MTTP: variants seen among roughly 807,000 people sequenced by gnomAD.
MTTP encodes the protein microsomal triglyceride transfer protein large subunit.
A neutral mutation model predicts 90.6 loss-of-function variants in MTTP; 49 were observed. The ratio of observed to expected loss-of-function variants is 0.54; its 90% confidence interval spans 0.43 to 0.69. The LOEUF (loss-of-function observed/expected upper bound fraction) is 0.69. Ranked by LOEUF, MTTP falls within the 30% of genes least tolerant of loss-of-function variation. The pLI is 0.00. For synonymous variants in MTTP, 347 were observed against 384.2 expected, an observed-to-expected ratio of 0.90 and a Z score of 1.13; for missense variants, 945 against 1,067.5, an observed-to-expected ratio of 0.89 and a Z score of 1.60.
chr4:99,565,807 G>A (rs1215948307), intron 1 of MTTP, among the ~76,000 whole-genome samples: 3 of 152,168 alleles, frequency 2.0e-5, no homozygotes, highest in Admixed American at 1.3e-4. Flanking sequence ...TCAGAAAAGT[G>A]AAGAAGTTTA....
chr4:99,620,725 C>A (rs982348540), intron 16 of MTTP, among the ~76,000 whole-genome samples: 9 of 152,194 alleles, frequency 5.9e-5, no homozygotes, highest in Non-Finnish European at 1.2e-4. Context: ...GTATTTCTGA[C>A]CTGCTGAGAG....
intron 11 of MTTP, among the ~76,000 whole-genome samples, chr4:99,607,657 T>G (rs1343764450): frequency 6.6e-6 from 1 of 152,226 alleles, no homozygotes; most frequent in Non-Finnish European, 1.5e-5. Flanking sequence ...TATAGATCCT[T>G]ACACATTGAA....
intron 6 of MTTP, 141 bp from the exon 7 acceptor site, chr4:99,594,592 C>T (rs1228832006): frequency 1.3e-5 from 12 of 906,252 alleles, no homozygotes; most frequent in Non-Finnish European, 2.0e-5. Context: ...TCAGTTACCT[C>T]TGGAGATATC....
intron 15 of MTTP, among the ~76,000 whole-genome samples, chr4:99,614,689 C>G (rs1042234179): frequency 2.0e-5 from 3 of 152,168 alleles, no homozygotes; most frequent in Non-Finnish European, 2.9e-5. Context: ...GCTCCACTTC[C>G]AGCACCACTT....
At chr4:99,608,212 C>T (rs1299011736) in intron 11 of MTTP, among the ~76,000 whole-genome samples, 13 of 151,772 alleles carry the variant, frequency 8.6e-5, no homozygotes, top group African/African-American at 2.2e-4. Flanking sequence ...TTTGGAAGGC[C>T]GAGGCGGGTG....
At chr4:99,597,925 A>G (rs1725597821) in intron 8 of MTTP, among the ~76,000 whole-genome samples, 1 of 152,228 alleles carries the variant, frequency 6.6e-6, no homozygotes, top group African/African-American at 2.4e-5. Flanking sequence ...AATTGATGAT[A>G]TAGAACAAGG....
upstream of MTTP, among the ~76,000 whole-genome samples, chr4:99,573,063 T>A (rs1272418053): frequency 6.6e-6 from 1 of 152,106 alleles, no homozygotes; most frequent in Non-Finnish European, 1.5e-5. Flanking sequence ...TTTTATTGGT[T>A]GGACTCTGGA....
intron 15 of MTTP, among the ~76,000 whole-genome samples, chr4:99,617,687 G>T (rs1055334226): frequency 6.6e-6 from 1 of 151,752 alleles, no homozygotes; most frequent in African/African-American, 2.4e-5. Context: ...AAAAAGTTTT[G>T]TGCCAACATC....
At chr4:99,574,553 T>G (rs1215750137), upstream of MTTP, among the ~76,000 whole-genome samples, 2 of 152,202 alleles carry the variant, frequency 1.3e-5, no homozygotes, top group Non-Finnish European at 2.9e-5. Flanking sequence ...GAAAGAAGTA[T>G]CACCACCAGT....
In MTTP at chr4:99,604,007, C is replaced by T. The variant is rs549665959; in HGVS notation, c.1344+2293C>T. Among the ~76,000 whole-genome samples, 3 of 152,158 alleles carry T rather than the reference C, an allele frequency of 2.0e-5. No individual in the cohort carries two copies. In the South Asian group the frequency reaches 6.2e-4, roughly 32 times the overall value. Reference sequence around the variant, plus strand: ...AATTTTGTTAATATTTTTGAGCAAACATTTTTTTTCATCTTTGAGGATAAT... The same window carrying T: ...AATTTTGTTAATATTTTTGAGCAAATATTTTTTTTCATCTTTGAGGATAAT... On this transcript the variant is annotated intron_variant, in intron 10 of 17. Transcript: ENST00000265517.
chr4:99,590,860 CA>C (rs879756297), intron 4 of MTTP, among the ~76,000 whole-genome samples: 10,577 of 147,372 alleles, frequency 0.072, 592 homozygotes, highest in African/African-American at 0.16. Flanking sequence ...CACACACACA[CA>C]CACCACACAC....
chr4:99,590,086 C>G (rs1011884696), intron 4 of MTTP, among the ~76,000 whole-genome samples: 2 of 151,310 alleles, frequency 1.3e-5, no homozygotes, highest in African/African-American at 4.9e-5. Flanking sequence ...TTCAGTAGAT[C>G]GGGGAGGACC....
chr4:99,591,420 T>G, intron 5 of MTTP, 69 bp downstream of exon 5: 2 of 1,282,580 alleles, frequency 1.6e-6, no homozygotes, highest in South Asian at 2.5e-5. Context: ...TTTAATGTAA[T>G]AGAAAAATAA....
At chr4:99,591,557 C>T (rs1418110408) in intron 5 of MTTP, 94 bp from the exon 6 acceptor site, 6 of 1,386,480 alleles carry the variant, frequency 4.3e-6, no homozygotes, top group African/African-American at 1.4e-5. Flanking sequence ...AATGGGGAAG[C>T]TGTTTGTAGA....
In MTTP at chr4:99,600,691, AT is replaced by A. The variant is rs1350615652; in HGVS notation, c.1197del (p.Phe399LeufsTer10). ...LQERFLYACG[F>X]ASHPNEELLR... ...AGGAGAGGTTTCTCTATGCCTGTGG[AT>A]TTGCTTCTCATCCCAATGAAGAACT... On this transcript the variant is annotated frameshift_variant, in exon 9 of 18. Coordinates refer to ENST00000265517, the MANE Select transcript of MTTP (RefSeq NM_001386140.1). LOFTEE classifies it high-confidence loss of function. 1.2e-6 allele frequency: 2 copies of A among 1,613,804 alleles called. No homozygotes were observed. Among genetic ancestry groups the A allele is most frequent in the Non-Finnish European group, 1.7e-6 (2 of 1,179,816 alleles).
chr4:99,594,579 C>G (rs918157152), intron 6 of MTTP, among the ~76,000 whole-genome samples, 154 bp from the exon 7 acceptor site: 1 of 152,146 alleles, frequency 6.6e-6, no homozygotes, highest in Admixed American at 6.5e-5. Flanking sequence ...TCATAATGAG[C>G]TTTCAGTTAC....
chr4:99,596,250 T>G (rs1479134838), intron 7 of MTTP, among the ~76,000 whole-genome samples: 1 of 152,138 alleles, frequency 6.6e-6, no homozygotes, highest in Non-Finnish European at 1.5e-5. Flanking sequence ...CAGCAAGTTA[T>G]TACTATAGAG....
At chr4:99,617,306 T>G (rs1199082398) in intron 15 of MTTP, among the ~76,000 whole-genome samples, 3 of 152,186 alleles carry the variant, frequency 2.0e-5, no homozygotes, top group African/African-American at 7.2e-5. Flanking sequence ...ACTGAGAATC[T>G]CATGCTTCCA....
intron 3 of MTTP, 21 bp from the exon 4 acceptor site, chr4:99,589,622 C>T (rs995280655): frequency 7.1e-7 from 1 of 1,406,898 alleles, no homozygotes; most frequent in Non-Finnish European, 1.0e-6. Flanking sequence ...CATTTGTGTT[C>T]TGTTCCCCTC....
Sources: allele counts gnomAD v4.1 joint callset (sites outside exome capture counted in the v4.1 genomes callset), GRCh38; gene constraint gnomAD v4.1.1; transcripts MANE v1.5; gene names NCBI Gene and HGNC (gene_info 2026-07-23, HGNC 2026-07-21).